SERTAD2: variants seen among roughly 807,000 people sequenced by gnomAD.
The protein encoded by SERTAD2 is SERTA domain-containing protein 2.
In SERTAD2, 2 loss-of-function variants were observed where a neutral mutation model predicts 15.4. The observed-to-expected ratio is 0.13, with a 90% confidence interval of 0.05 to 0.41. The LOEUF (loss-of-function observed/expected upper bound fraction) is 0.41, where lower values mean the gene tolerates loss of function less well. SERTAD2 is among the 10% of genes least tolerant of loss of function. The pLI, the probability that SERTAD2 is intolerant of heterozygous loss-of-function variation, is 0.99. For synonymous variants in SERTAD2, 180 were observed against 178.0 expected, an observed-to-expected ratio of 1.01 and a Z score of -0.09; for missense variants, 333 against 409.7, an observed-to-expected ratio of 0.81 and a Z score of 1.62.
At position 64,636,309 on chromosome 2, in the gene SERTAD2, G is replaced by A. The variant is rs757468236; in HGVS notation, c.563C>T (p.Ala188Val). The A allele has an allele frequency of 1.1e-5, 17 of 1,614,094 alleles. No homozygotes were observed. Among genetic ancestry groups the A allele is most frequent in the East Asian group, 4.5e-5 (2 of 44,902 alleles). The change falls in exon 2 of 2, where the codon GCG becomes GTG. Residue 188 changes from alanine (A) to valine (V), a missense_variant. This residue lies in a region of SERTAD2 where 332 missense variants were observed against 392.9 expected (regional missense o/e 0.84). Coordinates refer to ENST00000313349, the MANE Select transcript of SERTAD2 (RefSeq NM_014755.3). ...ELCPTSTSTE[A>V]ATAATDSVKG... ...CACACTGTCAGTCGCAGCCGTGGCCGCCTCTGTGGAGGTAGATGTGGGACA... is the reference window on the plus strand; with the variant it reads ...CACACTGTCAGTCGCAGCCGTGGCCACCTCTGTGGAGGTAGATGTGGGACA...
rs2104332989 is a variant in SERTAD2, at chr2:64,632,030, A to C, written c.*3897T>G. 1 of 152,782 alleles carries C rather than the reference A, an allele frequency of 6.5e-6. No individual in the cohort carries two copies. Among genetic ancestry groups the C allele is most frequent in the East Asian group, 1.9e-4 (1 of 5,194 alleles). 9.5% of individuals were successfully genotyped at this position (152,782 alleles called of 1,614,324 possible). On this transcript the variant is annotated 3_prime_UTR_variant, in exon 2 of 2. Coordinates refer to ENST00000313349, the MANE Select transcript of SERTAD2 (RefSeq NM_014755.3). ...AGAACCATTCAGACTCATTCTTAGA[A>C]ACACTGAAAACAATTGTACATAAGC...
At chr2:64,643,203 G>GT (rs1674813301) in intron 1 of SERTAD2, among the ~76,000 whole-genome samples, 1 of 152,218 alleles carries the variant, frequency 6.6e-6, no homozygotes, top group Non-Finnish European at 1.5e-5. Context: ...CCTTGTGTAC[G>GT]TTTTCAAGAG....
intron 1 of SERTAD2, among the ~76,000 whole-genome samples, chr2:64,652,904 G>A (rs1424038447): frequency 6.6e-6 from 1 of 152,186 alleles, no homozygotes; most frequent in African/African-American, 2.4e-5. Flanking sequence ...TAGTGGCCCT[G>A]TGACGACACC....
Position 64,633,850 on chromosome 2 carries a change from C to T in SERTAD2, c.*2077G>A, listed in dbSNP as rs771207135. The stretch of plus-strand genomic sequence containing the variant: ...TGATAATTAGCCTTTAAAACACATT[C>T]AAGTGGGGGGAAAAAGTAAATTAGA... On this transcript the variant is annotated 3_prime_UTR_variant, in exon 2 of 2. Transcript: ENST00000313349. 1 of 152,326 alleles carries T rather than the reference C, an allele frequency of 6.6e-6. No homozygotes were observed. The highest frequency in any genetic ancestry group is 1.5e-5 in the Non-Finnish European group (1 of 68,030). 9.4% of individuals were successfully genotyped at this position (152,326 alleles called of 1,614,324 possible). A position where few individuals can be genotyped will look rare whatever the true frequency, so the allele number is the denominator to read the frequency against.
Position 64,636,500 on chromosome 2 carries a change from C to A in SERTAD2, c.372G>T (p.Thr124=). ...CCGGGGTGAGGCAGGCCTCCAGGGG[C>A]GTAGTGCTTCCGAGGTCGCAGGGGT... is the stretch of plus-strand genomic sequence containing the variant. The part of the protein sequence containing the change: ...SSHPCDLGST[T]PLEACLTPAS... The change falls in exon 2 of 2, where the codon ACG becomes ACT. Residue 124 remains threonine, a synonymous_variant. Transcript: ENST00000313349. 1 of 1,609,816 alleles carries A rather than the reference C, an allele frequency of 6.2e-7. No homozygotes were observed. The highest frequency in any genetic ancestry group is 8.5e-7 in the Non-Finnish European group (1 of 1,177,160).
chr2:64,651,655 G>A (rs1204589222), intron 1 of SERTAD2, among the ~76,000 whole-genome samples: 1 of 152,182 alleles, frequency 6.6e-6, no homozygotes, highest in East Asian at 1.9e-4. Context: ...AAGCTTTAAA[G>A]AGGGACAATT....
rs1674658221 is a variant in SERTAD2, at chr2:64,636,381, G to C, written c.491C>G (p.Pro164Arg). Residue 164 changes from proline to arginine, a missense_variant, in exon 2 of 2, where the codon CCA (proline) becomes CGA (arginine). Physicochemically the swap from Pro to Arg is moderately radical, Grantham distance 103. Around this residue, in one of 2 missense-constraint regions of SERTAD2, gnomAD observed 332 missense variants for 392.9 expected, o/e 0.84. Transcript: ENST00000313349. ...PTKLSPPALL[P>R]EKDSFSSALD... ...GGCAGAGGAGAAACTGTCCTTTTCT[G>C]GCAAGAGGGCTGGAGGTGACAGTTT... 6.2e-7 allele frequency: 1 copy of C among 1,614,072 alleles called. No individual in the cohort carries two copies. The highest frequency in any genetic ancestry group is 1.3e-5 in the African/African-American group (1 of 74,916).
intron 1 of SERTAD2, among the ~76,000 whole-genome samples, chr2:64,637,158 T>C (rs1674679263): frequency 1.3e-5 from 2 of 152,200 alleles, no homozygotes; most frequent in South Asian, 4.1e-4. Flanking sequence ...AGTTAAGAAT[T>C]ACCATGGAAA....
chr2:64,647,196 ATG>A (rs1363639362), intron 1 of SERTAD2, among the ~76,000 whole-genome samples: 1 of 152,208 alleles, frequency 6.6e-6, no homozygotes, highest in Non-Finnish European at 1.5e-5. Flanking sequence ...AGGTTATATG[ATG>A]TTGTATGTTC....
intron 1 of SERTAD2, among the ~76,000 whole-genome samples, chr2:64,640,377 G>A (rs1455164373): frequency 6.6e-6 from 1 of 152,184 alleles, no homozygotes; most frequent in Non-Finnish European, 1.5e-5. Context: ...AAGAACCGGA[G>A]GGCAAGAAGC....
intron 1 of SERTAD2, among the ~76,000 whole-genome samples, chr2:64,641,496 T>C (rs896904619): frequency 2.0e-5 from 3 of 152,102 alleles, no homozygotes; most frequent in Admixed American, 6.6e-5. Context: ...GCACAGACGG[T>C]GTGTGTTTTG....
intron 1 of SERTAD2, among the ~76,000 whole-genome samples, chr2:64,649,948 A>G (rs1674975211): frequency 6.6e-6 from 1 of 152,362 alleles, no homozygotes; most frequent in East Asian, 1.9e-4. Context: ...TGCAAGTGTA[A>G]GAATAGGCCG....
At chr2:64,648,720 A>C (rs771344243) in intron 1 of SERTAD2, among the ~76,000 whole-genome samples, 15 of 152,296 alleles carry the variant, frequency 9.8e-5, no homozygotes, top group South Asian at 4.1e-4. Flanking sequence ...GAGCTTTAGA[A>C]GGAGGCAGGA....
intron 1 of SERTAD2, among the ~76,000 whole-genome samples, chr2:64,642,496 CT>C (rs1361176114): frequency 2.6e-5 from 4 of 150,952 alleles, no homozygotes; most frequent in African/African-American, 4.9e-5. Flanking sequence ...AAAGCTACAT[CT>C]TTTTAAAAAT....
chr2:64,633,327 C>T lies in SERTAD2; in HGVS notation c.*2600G>A, dbSNP rs1674578105. 1 of 152,134 alleles carries T rather than the reference C, an allele frequency of 6.6e-6. No individual in the cohort carries two copies. Among genetic ancestry groups the T allele is most frequent in the South Asian group, 2.1e-4 (1 of 4,828 alleles). 9.4% of individuals were successfully genotyped at this position (152,134 alleles called of 1,614,324 possible). A position where few individuals can be genotyped will look rare whatever the true frequency, so the allele number is the denominator to read the frequency against. On this transcript the variant is annotated 3_prime_UTR_variant, in exon 2 of 2. Transcript: ENST00000313349. The stretch of plus-strand genomic sequence containing the variant: ...TTTTTGTTTTGATTTTGAAGCCCAG[C>T]CTTACAAATACATAAGAGTCAGAGA...
chr2:64,640,094 G>C (rs1674738726), intron 1 of SERTAD2, among the ~76,000 whole-genome samples: 1 of 152,146 alleles, frequency 6.6e-6, no homozygotes, highest in Admixed American at 6.5e-5. Context: ...CACACACCCA[G>C]TAAGATTGTA....
chr2:64,636,670 T>C lies in SERTAD2; in HGVS notation c.202A>G (p.Met68Val), dbSNP rs747917930. Reference sequence around the variant, plus strand: ...AGTTCCTCCTGGATCCGCCTCAACATGTTGTTAATTAAAACGGTCTTTTGC... The same window carrying C: ...AGTTCCTCCTGGATCCGCCTCAACACGTTGTTAATTAAAACGGTCTTTTGC... ...SLQKTVLINN[M>V]LRRIQEELKQ... The change falls in exon 2 of 2, where the codon ATG (methionine) becomes GTG (valine). Residue 68 changes from methionine (M) to valine (V), a missense_variant. This residue lies in a region of SERTAD2 where 332 missense variants were observed against 392.9 expected (regional missense o/e 0.84). Coordinates refer to ENST00000313349, the MANE Select transcript of SERTAD2 (RefSeq NM_014755.3). 9.9e-6 allele frequency: 16 copies of C among 1,613,974 alleles called. No individual in the cohort carries two copies. Among genetic ancestry groups the C allele is most frequent in the African/African-American group, 8.0e-5 (6 of 74,882 alleles).
chr2:64,637,435 C>T (rs1239472339), intron 1 of SERTAD2, among the ~76,000 whole-genome samples: 1 of 152,164 alleles, frequency 6.6e-6, no homozygotes, highest in South Asian at 2.1e-4. Context: ...TCATTAAGCA[C>T]GGAGTCTTTC....
Position 64,633,679 on chromosome 2 carries a change from C to T in SERTAD2, c.*2248G>A, listed in dbSNP as rs1674586157. On this transcript the variant is annotated 3_prime_UTR_variant, in exon 2 of 2. Coordinates refer to ENST00000313349, the MANE Select transcript of SERTAD2 (RefSeq NM_014755.3). Reference sequence around the variant, plus strand: ...TTAACAGGCATACTGACACTGGAAGCATCTACTACAACCCTCACCTCAGTT... The same window carrying T: ...TTAACAGGCATACTGACACTGGAAGTATCTACTACAACCCTCACCTCAGTT... The T allele has an allele frequency of 6.6e-6, 1 of 152,220 alleles. No homozygotes were observed. Among genetic ancestry groups the T allele is most frequent in the Admixed American group, 6.5e-5 (1 of 15,286 alleles). 9.4% of individuals were successfully genotyped at this position (152,220 alleles called of 1,614,324 possible). A position where few individuals can be genotyped will look rare whatever the true frequency, so the allele number is the denominator to read the frequency against.
Sources: gnomAD v4.1 joint callset for allele counts (sites outside exome capture counted in the v4.1 genomes callset) on GRCh38, gnomAD v4.1.1 for gene constraint, gnomAD v4.1.1 regional missense constraint, MANE v1.5 for transcripts, NCBI Gene and HGNC (gene_info 2026-07-23, HGNC 2026-07-21) for gene names.